The following MAOB variants were observed in gnomAD, a reference collection of about 807,000 sequenced individuals.
MAOB encodes amine oxidase [flavin-containing] B.
Under a neutral mutation model 41.9 loss-of-function variants are expected in MAOB, and 15 were observed. The observed-to-expected ratio is 0.36, with a 90% confidence interval of 0.24 to 0.55. MAOB has a LOEUF of 0.55. Ranked by LOEUF, MAOB falls within the 20% of genes least tolerant of loss-of-function variation. The probability of loss-of-function intolerance (pLI) is 0.86; values close to 1 mark genes in which losing one functional copy is unlikely to be tolerated. For missense variants in MAOB, 345 were observed against 398.7 expected (o/e 0.87, Z 1.15); for synonymous variants, 167 against 144.2 (o/e 1.16, Z -1.13).
intron 1 of MAOB, among the ~76,000 whole-genome samples, chrX:43,860,486 A>G (rs2035324953): frequency 9.0e-6 from 1 of 111,371 alleles, no homozygotes; most frequent in Non-Finnish European, 1.9e-5. Flanking sequence ...CCTCCAGTCA[A>G]TACATCAGCA....
At chrX:43,775,026 C>A (rs757578117) in intron 12 of MAOB, 149 bp downstream of exon 12, 3 of 860,197 alleles carry the variant, frequency 3.5e-6, no homozygotes, top group Non-Finnish European at 4.4e-6. Flanking sequence ...TACACGATTT[C>A]ATTCATAAGA....
chrX:43,856,477 T>C (rs757442001), intron 1 of MAOB, among the ~76,000 whole-genome samples: 1 of 111,901 alleles, frequency 8.9e-6, no homozygotes, highest in South Asian at 3.7e-4. Context: ...CTTATATCTA[T>C]AGTTGACGCT....
At chrX:43,810,158 G>A (rs1183585741) in intron 3 of MAOB, among the ~76,000 whole-genome samples, 2 of 95,808 alleles carry the variant, frequency 2.1e-5, no homozygotes, top group Non-Finnish European at 4.0e-5. Flanking sequence ...CAGGAGAATG[G>A]CGTGAACCCA....
intron 1 of MAOB, among the ~76,000 whole-genome samples, chrX:43,851,702 G>T (rs1265510472): frequency 8.9e-6 from 1 of 111,765 alleles, no homozygotes; most frequent in African/African-American, 3.3e-5. Context: ...AGGGTTAGAA[G>T]TCTGCTATAG....
At chrX:43,828,057 A>G (rs1289122933) in intron 3 of MAOB, among the ~76,000 whole-genome samples, 1 of 111,538 alleles carries the variant, frequency 9.0e-6, no homozygotes, top group Non-Finnish European at 1.9e-5. Flanking sequence ...CTTAAAAACA[A>G]CCTGTTGTTT....
rs1312348829 is a variant in MAOB, at chrX:43,767,505, G to A, written c.1524C>T (p.Gly508=). 2 of 1,210,585 alleles carry A rather than the reference G, an allele frequency of 1.7e-6. No homozygotes were observed. The highest frequency in any genetic ancestry group is 2.2e-6 in the Non-Finnish European group (2 of 895,102). ...LTTIFSATAL[G]FLAHKRGLLV... ...GTAGCCCCCTTTTGTGGGCCAGGAA[G>A]CCAAGAGCCGTTGCTGAAAAGATGG... is the stretch of plus-strand genomic sequence containing the variant. Residue 508 remains glycine (G), a synonymous_variant, in exon 15 of 15, where the codon GGC becomes GGT. Transcript: ENST00000378069.
In MAOB at chrX:43,787,563, T is replaced by C. The variant is rs183316849; in HGVS notation, c.928+5856A>G. On this transcript the variant is annotated intron_variant, in intron 8 of 14. Coordinates refer to ENST00000378069, the MANE Select transcript of MAOB (RefSeq NM_000898.5). ...AGATTCTGGTTTTTCAATTTAAGCT[T>C]TTTAAAAAGTCTACTTTTCAAATGT... 6.2e-5 allele frequency among the ~76,000 whole-genome samples: 7 copies of C among 112,247 alleles called. No homozygotes were observed. In the East Asian group the frequency reaches 2.0e-3, roughly 31 times the overall value.
intron 3 of MAOB, among the ~76,000 whole-genome samples, chrX:43,831,657 T>A (rs1277011488): frequency 2.7e-5 from 3 of 111,426 alleles, no homozygotes; most frequent in African/African-American, 9.8e-5. Context: ...TCATATTATA[T>A]CTGTTATTTT....
chrX:43,844,267 C>T (rs759171484), intron 1 of MAOB, among the ~76,000 whole-genome samples: 1 of 111,236 alleles, frequency 9.0e-6, no homozygotes, highest in Non-Finnish European at 1.9e-5. Flanking sequence ...AAATTCGACC[C>T]CTTATGCATC....
At chrX:43,852,631 C>G (rs183998698) in intron 1 of MAOB, among the ~76,000 whole-genome samples, 2 of 111,836 alleles carry the variant, frequency 1.8e-5, no homozygotes, top group African/African-American at 6.5e-5. Context: ...GTTTCTATTC[C>G]GCTGGACTTG....
intron 3 of MAOB, 79 bp downstream of exon 3, chrX:43,838,789 T>G: frequency 2.1e-6 from 2 of 962,026 alleles, no homozygotes; most frequent in Non-Finnish European, 2.8e-6. Flanking sequence ...GAAGATTCTC[T>G]GAGAGAATGA....
At chrX:43,855,381 C>T (rs2035281283) in intron 1 of MAOB, among the ~76,000 whole-genome samples, 1 of 110,755 alleles carries the variant, frequency 9.0e-6, no homozygotes, top group South Asian at 4.1e-4. Flanking sequence ...CAGACTCATG[C>T]TCAGTGTCTA....
At chrX:43,770,818 T>C (rs938447236) in intron 12 of MAOB, among the ~76,000 whole-genome samples, 3 of 111,781 alleles carry the variant, frequency 2.7e-5, no homozygotes, top group South Asian at 7.5e-4. Context: ...ATTTAATAGT[T>C]AGTAGACTGC....
chrX:43,827,478 G>A (rs1040594549), intron 3 of MAOB, among the ~76,000 whole-genome samples: 1 of 111,656 alleles, frequency 9.0e-6, no homozygotes, highest in East Asian at 2.8e-4. Flanking sequence ...GGCAGTCTCA[G>A]GGTATTTGGA....
chrX:43,842,668 A>G (rs2035151213), intron 2 of MAOB, among the ~76,000 whole-genome samples: 1 of 112,395 alleles, frequency 8.9e-6, no homozygotes, highest in African/African-American at 3.2e-5. Flanking sequence ...ATATGAAATC[A>G]CCCTAAGTGT....
intron 1 of MAOB, among the ~76,000 whole-genome samples, chrX:43,853,384 G>C (rs1242262071): frequency 3.6e-5 from 4 of 110,589 alleles, no homozygotes; most frequent in Non-Finnish European, 7.6e-5. Context: ...CCAGGAAAAG[G>C]TACACCAAAG....
intron 3 of MAOB, among the ~76,000 whole-genome samples, chrX:43,834,528 CAG>C (rs1305883280): frequency 1.8e-5 from 2 of 112,003 alleles, no homozygotes; most frequent in Non-Finnish European, 3.8e-5. Context: ...GCCATTTAGA[CAG>C]AGAGATTAAC....
chrX:43,773,409 A>C (rs769298060), intron 12 of MAOB, among the ~76,000 whole-genome samples: 1 of 112,096 alleles, frequency 8.9e-6, no homozygotes, highest in East Asian at 2.8e-4. Context: ...TCCTCTCCCC[A>C]TCCCCACCCT....
Position 43,843,704 on chromosome X carries a change from C to T in MAOB, c.107G>A (p.Arg36Gln), listed in dbSNP as rs756887426. 3.3e-6 allele frequency: 4 copies of T among 1,208,820 alleles called. No homozygotes were observed. Among genetic ancestry groups the T allele is most frequent in the African/African-American group, 3.5e-5 (2 of 56,906 alleles). The change falls in exon 2 of 15, where the codon CGG (arginine) becomes CAG (glutamine). Residue 36 changes from arginine (R) to glutamine (Q), a missense_variant. Transcript: ENST00000378069. ...GTAAGTCCTGCCTCCCACACGGTCC[C>T]GGGCTTCCAGAACAACCACATTCAG... ...SGLNVVVLEA[R>Q]DRVGGRTYTL...
Sources: gnomAD v4.1 joint callset for allele counts (sites outside exome capture counted in the v4.1 genomes callset) on GRCh38, gnomAD v4.1.1 for gene constraint, MANE v1.5 for transcripts, NCBI Gene and HGNC (gene_info 2026-07-23, HGNC 2026-07-21) for gene names.